The following DNAH9 variants were observed in gnomAD, a reference collection of about 807,000 sequenced individuals.
The protein encoded by DNAH9 is dynein axonemal heavy chain 9.
DNAH9 carries 345 observed loss-of-function variants against 471.6 expected under a neutral mutation model. The ratio of observed to expected loss-of-function variants is 0.73; its 90% CI spans 0.67 to 0.80. DNAH9 has a LOEUF of 0.80. Among genes scored for constraint, DNAH9 ranks in the 30% least tolerant of loss-of-function variants. The pLI is 0.00. For missense variants in DNAH9, 5,407 were observed against 5,609.2 expected, an observed-to-expected ratio of 0.96 and a Z score of 1.15; for synonymous variants, 2,093 against 2,123.6, an observed-to-expected ratio of 0.99 and a Z score of 0.40.
rs770867759 is a variant in DNAH9, at chr17:11,629,501, G to A, written c.1435G>A (p.Val479Ile). ...GVRGNALSQQ[V>I]QQMHEEFQEM... is the part of the protein sequence containing the mutation. ...CAGAGGGAATGCTCTGAGTCAGCAGGTCCAGCAAATGCATGAAGAATTTCA... is the reference window on the plus strand; with the variant it reads ...CAGAGGGAATGCTCTGAGTCAGCAGATCCAGCAAATGCATGAAGAATTTCA... Residue 479 changes from valine (V) to isoleucine (I), a missense_variant, in exon 7 of 69, where the codon GTC becomes ATC. By Grantham distance (29) the Val-to-Ile change is conservative. Around this residue, in one of 3 missense-constraint regions of DNAH9, gnomAD observed 767 missense variants for 692.5 expected, o/e 1.11. Coordinates refer to ENST00000262442, the MANE Select transcript of DNAH9 (RefSeq NM_001372.4). 3 of 1,614,108 alleles carry A rather than the reference G, an allele frequency of 1.9e-6. No individual in the cohort carries two copies. Among genetic ancestry groups the A allele is most frequent in the Non-Finnish European group, 2.5e-6 (3 of 1,180,000 alleles).
At position 11,704,276 on chromosome 17, in the gene DNAH9, A is replaced by G. The variant is rs775453856; in HGVS notation, c.5225A>G (p.Tyr1742Cys). The G allele has an allele frequency of 1.9e-6, 3 of 1,614,060 alleles. No individual in the cohort carries two copies. Among genetic ancestry groups the G allele is most frequent in the South Asian group, 1.1e-5 (1 of 91,092 alleles). ...GCATTTGCCAGGCTGGAGGAAGGCTATGAGAGTGCCATGAAGGACTATTAT... is the reference window on the plus strand; with the variant it reads ...GCATTTGCCAGGCTGGAGGAAGGCTGTGAGAGTGCCATGAAGGACTATTAT... ...GMAFARLEEG[Y>C]ESAMKDYYKK... The change falls in exon 25 of 69, where the codon TAT becomes TGT. Residue 1742 changes from tyrosine to cysteine, a missense_variant. Transcript: ENST00000262442.
intron 61 of DNAH9, among the ~76,000 whole-genome samples, chr17:11,915,094 G>T (rs1008082660): frequency 2.0e-5 from 3 of 152,180 alleles, no homozygotes; most frequent in South Asian, 4.1e-4. Flanking sequence ...AATCACCATA[G>T]TCTTTCACCT....
intron 43 of DNAH9, among the ~76,000 whole-genome samples, chr17:11,806,331 A>G (rs1426397076): frequency 6.6e-6 from 1 of 152,216 alleles, no homozygotes; most frequent in Non-Finnish European, 1.5e-5. Context: ...ACTTATCCTG[A>G]GGATATAATC....
intron 67 of DNAH9, among the ~76,000 whole-genome samples, chr17:11,948,374 G>T (rs1259724840): frequency 6.6e-6 from 1 of 151,780 alleles, no homozygotes; most frequent in Non-Finnish European, 1.5e-5. Flanking sequence ...AATTACAGGT[G>T]CCTGCCACCG....
In DNAH9 at chr17:11,902,862, C is replaced by T. The variant is rs1973458870; in HGVS notation, c.11550C>T (p.Arg3850=). Residue 3850 remains arginine, a synonymous_variant, in exon 60 of 69, where the codon CGC becomes CGT. Transcript: ENST00000262442. ...QEWKNKTALQ[R]LCMLRAMRPD... ...GGAAGAACAAGACAGCCCTGCAGCG[C>T]CTCTGCATGCTGAGAGCCATGCGGC... 1 of 1,613,804 alleles carries T rather than the reference C, an allele frequency of 6.2e-7. No homozygotes were observed. Among genetic ancestry groups the T allele is most frequent in the South Asian group, 1.1e-5 (1 of 91,078 alleles).
At chr17:11,692,719 G>A (rs948365094) in intron 20 of DNAH9, among the ~76,000 whole-genome samples, 23 of 151,972 alleles carry the variant, frequency 1.5e-4, no homozygotes, top group African/African-American at 5.1e-4. Context: ...GTACAGTGGG[G>A]TTCTCCAGAG....
chr17:11,651,044 C>T, intron 12 of DNAH9, 25 bp from the exon 13 acceptor site: 2 of 1,608,244 alleles, frequency 1.2e-6, no homozygotes, highest in Non-Finnish European at 1.7e-6. Context: ...GAACGACAGA[C>T]ACTTGTGTTG....
chr17:11,853,796 T>A (rs1971520563), intron 49 of DNAH9, among the ~76,000 whole-genome samples: 1 of 152,260 alleles, frequency 6.6e-6, no homozygotes, highest in Admixed American at 6.5e-5. Context: ...TAGCTGAGTC[T>A]TGGCTAACCA....
chr17:11,853,987 C>A lies in DNAH9; in HGVS notation c.9508-16C>A. 1 of 1,610,802 alleles carries A rather than the reference C, an allele frequency of 6.2e-7. No homozygotes were observed. The highest frequency in any genetic ancestry group is 8.5e-7 in the Non-Finnish European group (1 of 1,177,874). On this transcript the variant is annotated splice_polypyrimidine_tract_variant and intron_variant, in intron 49 of 68. Coordinates refer to ENST00000262442, the MANE Select transcript of DNAH9 (RefSeq NM_001372.4). ...CCCATTCATGTTCCCCTAACCACCT[C>A]CTTCTCTTTTCCCAGACCAACCTGA...
chr17:11,850,641 A>T (rs1971383279), intron 49 of DNAH9, among the ~76,000 whole-genome samples: 1 of 102,810 alleles, frequency 9.7e-6, no homozygotes, highest in African/African-American at 3.8e-5. Context: ...ACAGTGTGAG[A>T]CTCCATGTCA....
intron 20 of DNAH9, among the ~76,000 whole-genome samples, chr17:11,691,519 CAG>C (rs1165666365): frequency 1.3e-5 from 2 of 152,154 alleles, no homozygotes; most frequent in African/African-American, 4.8e-5. Flanking sequence ...AACAATGAAA[CAG>C]AAACAATTTG....
intron 33 of DNAH9, among the ~76,000 whole-genome samples, chr17:11,755,418 G>A (rs1435760452): frequency 2.0e-5 from 3 of 152,212 alleles, no homozygotes; most frequent in African/African-American, 7.2e-5. Flanking sequence ...TGGGCAGTAT[G>A]GTCATTTAAT....
In DNAH9 at chr17:11,710,604, T is replaced by C. The variant is rs118173035; in HGVS notation, c.5552+5419T>C. ...CATAGGTTGAACATTTTTATGTGTT[T>C]ATTAGCTATTAGATTTTCTTCTCCT... On this transcript the variant is annotated intron_variant, in intron 26 of 68. Coordinates refer to ENST00000262442, the MANE Select transcript of DNAH9 (RefSeq NM_001372.4). 5.7e-3 allele frequency among the ~76,000 whole-genome samples: 867 copies of C among 152,334 alleles called. 7 individuals carry two copies. Among genetic ancestry groups the C allele is most frequent in the Non-Finnish European group, 9.2e-3 (629 of 68,026 alleles).
intron 41 of DNAH9, among the ~76,000 whole-genome samples, chr17:11,793,134 T>C (rs1221101131): frequency 2.0e-5 from 3 of 152,230 alleles, no homozygotes; most frequent in Non-Finnish European, 2.9e-5. Context: ...GGCATATTAA[T>C]TTGAATTATT....
chr17:11,733,481 A>G (rs1216231503), intron 28 of DNAH9, among the ~76,000 whole-genome samples: 1 of 152,210 alleles, frequency 6.6e-6, no homozygotes, highest in East Asian at 1.9e-4. Flanking sequence ...TGCAGCTCTT[A>G]TGGTCAGACG....
chr17:11,737,392 C>T (rs527971285), intron 28 of DNAH9, among the ~76,000 whole-genome samples: 4 of 148,026 alleles, frequency 2.7e-5, no homozygotes, highest in Non-Finnish European at 6.0e-5. Flanking sequence ...ACTAGGCTAC[C>T]CTTTGCTCTT....
At chr17:11,710,408 A>G (rs1366599607) in intron 26 of DNAH9, among the ~76,000 whole-genome samples, 1 of 152,206 alleles carries the variant, frequency 6.6e-6, no homozygotes, top group African/African-American at 2.4e-5. Context: ...GAATAATTAG[A>G]TGACACATAC....
At chr17:11,836,040 A>T (rs1567836877) in intron 49 of DNAH9, among the ~76,000 whole-genome samples, 1 of 152,208 alleles carries the variant, frequency 6.6e-6, no homozygotes, top group Non-Finnish European at 1.5e-5. Context: ...AAGCTCACTG[A>T]GTAGTCTTTT....
chr17:11,695,583 C>A (rs1462827649), intron 22 of DNAH9, among the ~76,000 whole-genome samples: 1 of 152,082 alleles, frequency 6.6e-6, no homozygotes, highest in Non-Finnish European at 1.5e-5. Context: ...CTGCTGTGTT[C>A]GAAGGTTTTT....
Sources: allele counts gnomAD v4.1 joint callset (sites outside exome capture counted in the v4.1 genomes callset), GRCh38; gene constraint gnomAD v4.1.1; regional missense constraint gnomAD v4.1.1; transcripts MANE v1.5; gene names NCBI Gene and HGNC (gene_info 2026-07-23, HGNC 2026-07-21).